MREG: variants seen among roughly 807,000 people sequenced by gnomAD.
The protein encoded by MREG is melanoregulin.
Under a neutral mutation model 28.5 loss-of-function variants are expected in MREG, and 31 were observed. The ratio of observed to expected loss-of-function variants is 1.09; its 90% CI spans 0.82 to 1.47. The LOEUF (loss-of-function observed/expected upper bound fraction) is 1.47. Among genes scored for constraint, MREG ranks in the 40% most tolerant of loss-of-function variants. The pLI is 0.00. For synonymous variants in MREG, 106 were observed against 95.2 expected, an observed-to-expected ratio of 1.11 and a Z score of -0.66; for missense variants, 256 against 257.4, an observed-to-expected ratio of 0.99 and a Z score of 0.04.
intron 1 of MREG, among the ~76,000 whole-genome samples, chr2:216,031,691 G>GAAAGAAAGAAAGAA (rs1473248845): frequency 5.9e-4 from 36 of 61,092 alleles, no homozygotes; most frequent in Admixed American, 1.6e-3. Flanking sequence ...AAGAAAGAAA[G>GAAAGAAAGAAAGAA]AGAAAGAAAG....
intron 2 of MREG, among the ~76,000 whole-genome samples, chr2:215,953,887 C>A (rs959120273): frequency 1.3e-5 from 2 of 152,196 alleles, no homozygotes; most frequent in Non-Finnish European, 2.9e-5. Flanking sequence ...TTCATATTTT[C>A]CCACCCTTGC....
At chr2:216,003,445 G>A (rs547231734) in intron 1 of MREG, among the ~76,000 whole-genome samples, 1 of 152,286 alleles carries the variant, frequency 6.6e-6, no homozygotes, top group Middle Eastern at 3.4e-3. Context: ...AAGGAAACAC[G>A]AGGGCTCAGG....
At chr2:216,010,778 G>A (rs551319806) in intron 1 of MREG, among the ~76,000 whole-genome samples, 2 of 151,824 alleles carry the variant, frequency 1.3e-5, no homozygotes, top group South Asian at 4.2e-4. Context: ...TGAACCAAAA[G>A]TCACTCACTA....
At chr2:215,963,259 G>C (rs1360369618) in intron 2 of MREG, among the ~76,000 whole-genome samples, 1 of 151,874 alleles carries the variant, frequency 6.6e-6, no homozygotes, top group Non-Finnish European at 1.5e-5. Context: ...CAGGAGTTCA[G>C]ACCAGCCTGG....
intron 1 of MREG, among the ~76,000 whole-genome samples, chr2:216,021,655 G>C (rs887335543): frequency 6.6e-6 from 1 of 152,138 alleles, no homozygotes; most frequent in East Asian, 1.9e-4. Flanking sequence ...CCACTGGCAG[G>C]GTTGTTTAGA....
intron 1 of MREG, among the ~76,000 whole-genome samples, chr2:216,032,426 T>C (rs1462471299): frequency 1.3e-5 from 2 of 152,198 alleles, no homozygotes; most frequent in African/African-American, 2.4e-5. Context: ...TTGGATGACA[T>C]TGTCCATTTC....
intron 1 of MREG, among the ~76,000 whole-genome samples, chr2:216,003,637 C>G (rs1296274740): frequency 6.6e-6 from 1 of 152,202 alleles, no homozygotes. Flanking sequence ...ACAACACAAG[C>G]TCAGTGTGGT....
chr2:216,004,449 C>T (rs1694098481), intron 1 of MREG, among the ~76,000 whole-genome samples: 1 of 151,720 alleles, frequency 6.6e-6, no homozygotes, highest in African/African-American at 2.4e-5. Context: ...CAGTGCCTAA[C>T]AGGAGAATCA....
At chr2:215,994,614 GAAGAAGAGA>G (rs916691912) in intron 2 of MREG, among the ~76,000 whole-genome samples, 20 of 44,814 alleles carry the variant, frequency 4.5e-4, no homozygotes. Flanking sequence ...AGAAGAGGAA[GAAGAAGAGA>G]AGAAGGAGGG....
chr2:215,987,541 G>A (rs1018860783), intron 2 of MREG, among the ~76,000 whole-genome samples: 12 of 152,024 alleles, frequency 7.9e-5, no homozygotes, highest in Admixed American at 2.6e-4. Flanking sequence ...CACCATACCC[G>A]GCAACATAAG....
intron 2 of MREG, among the ~76,000 whole-genome samples, chr2:215,986,149 ATATTT>A (rs968894978): frequency 1.3e-5 from 2 of 152,196 alleles, no homozygotes; most frequent in African/African-American, 4.8e-5. Flanking sequence ...GCTCATAGGC[ATATTT>A]TATTTTATTT....
chr2:216,031,467 GAA>G (rs577697216), intron 1 of MREG, among the ~76,000 whole-genome samples: 1 of 116,954 alleles, frequency 8.6e-6, no homozygotes, highest in Non-Finnish European at 1.7e-5. Flanking sequence ...GAGAAAGAAA[GAA>G]AGAAAGAGAA....
At chr2:216,010,929 T>C in intron 1 of MREG, among the ~76,000 whole-genome samples, 1 of 151,070 alleles carries the variant, frequency 6.6e-6, no homozygotes, top group South Asian at 2.1e-4. Flanking sequence ...ACCCCGTCTC[T>C]ACTAAAAATA....
chr2:216,007,343 G>A (rs185469550), intron 1 of MREG, among the ~76,000 whole-genome samples: 2 of 152,084 alleles, frequency 1.3e-5, no homozygotes, highest in Non-Finnish European at 2.9e-5. Flanking sequence ...CAACACTCAG[G>A]CTTCTTGGTT....
intron 2 of MREG, among the ~76,000 whole-genome samples, chr2:215,948,609 C>T (rs1462586643): frequency 1.3e-5 from 2 of 152,186 alleles, no homozygotes; most frequent in African/African-American, 4.8e-5. Flanking sequence ...TCAAGTACTG[C>T]TGTCTTCATT....
chr2:216,011,268 C>T (rs1694301735), intron 1 of MREG, among the ~76,000 whole-genome samples: 1 of 152,140 alleles, frequency 6.6e-6, no homozygotes, highest in South Asian at 2.1e-4. Flanking sequence ...TACACACACG[C>T]CACTGTTCCA....
intron 2 of MREG, among the ~76,000 whole-genome samples, chr2:215,969,871 A>C (rs1238952064): frequency 6.6e-6 from 1 of 152,114 alleles, no homozygotes; most frequent in African/African-American, 2.4e-5. Context: ...CCAGGCTGGG[A>C]GTTAGCGGGT....
At chr2:216,033,935 G>A (rs7590720), upstream of MREG, 110,159 of 152,104 alleles carry the variant, frequency 0.72, 40,053 homozygotes, top group African/African-American at 0.77. Flanking sequence ...CATGGGCTCA[G>A]TAATCGCTAG....
chr2:215,949,376 A>G (rs34668200), intron 2 of MREG, among the ~76,000 whole-genome samples: 49,133 of 151,262 alleles, frequency 0.32, 8,728 homozygotes, highest in Non-Finnish European at 0.4. Flanking sequence ...CCTAGTCACT[A>G]CGGTGAAACC....
Sources: allele counts gnomAD v4.1 joint callset (sites outside exome capture counted in the v4.1 genomes callset), GRCh38; gene constraint gnomAD v4.1.1; transcripts MANE v1.5; gene names NCBI Gene and HGNC (gene_info 2026-07-23, HGNC 2026-07-21).